ARAP2: variants seen among roughly 807,000 people sequenced by gnomAD.
ARAP2 encodes the protein arf-GAP with Rho-GAP domain, ANK repeat and PH domain-containing protein 2.
ARAP2 carries 148 observed loss-of-function variants against 194.5 expected under a neutral mutation model. The ratio of observed to expected loss-of-function variants is 0.76; its 90% CI spans 0.67 to 0.87. The LOEUF (loss-of-function observed/expected upper bound fraction) is 0.87. Among genes scored for constraint, ARAP2 ranks in the 40% least tolerant of loss-of-function variants. The probability of loss-of-function intolerance (pLI) is 0.00; values close to 1 mark genes in which losing one functional copy is unlikely to be tolerated. For missense variants in ARAP2, 2,128 were observed against 1,989.7 expected (o/e 1.07, Z -1.32); for synonymous variants, 695 against 683.5 (o/e 1.02, Z -0.26).
At chr4:36,013,377 A>G (rs1362768460) in intron 8 of ARAP2, among the ~76,000 whole-genome samples, 1 of 152,206 alleles carries the variant, frequency 6.6e-6, no homozygotes, top group Non-Finnish European at 1.5e-5. Flanking sequence ...GTCTCTCCCT[A>G]GAAGAATCTA....
At chr4:36,235,070 T>A (rs1219476782) in intron 1 of ARAP2, among the ~76,000 whole-genome samples, 1 of 152,196 alleles carries the variant, frequency 6.6e-6, no homozygotes, top group African/African-American at 2.4e-5. Context: ...TACTGTGCTA[T>A]ACCTTTAAAC....
At chr4:36,028,953 T>C (rs1718439872) in intron 5 of ARAP2, among the ~76,000 whole-genome samples, 2 of 152,042 alleles carry the variant, frequency 1.3e-5, no homozygotes, top group Admixed American at 1.3e-4. Flanking sequence ...AAGAATGTTG[T>C]TACCATTATT....
intron 19 of ARAP2, among the ~76,000 whole-genome samples, chr4:36,139,744 T>C (rs1727781041): frequency 6.6e-6 from 1 of 151,654 alleles, no homozygotes. Context: ...ATGATTGTAT[T>C]ATCATTGATC....
chr4:36,244,357 C>T lies in ARAP2; in HGVS notation c.-338G>A, dbSNP rs887344353. ...CGCCTCTGCTGCCTGGCGGCGGCCG[C>T]GCGGGCGGCGCTGTTAGTGGGGCCG... On this transcript the variant is annotated 5_prime_UTR_variant, in exon 1 of 33. Transcript: ENST00000303965. 1 of 151,256 alleles carries T rather than the reference C, an allele frequency of 6.6e-6. No individual in the cohort carries two copies. The highest frequency in any genetic ancestry group is 1.5e-5 in the Non-Finnish European group (1 of 67,720). The allele number at this position is 151,256 out of a possible 1,614,324, so 9.4% of individuals were successfully genotyped here.
chr4:36,211,115 C>A (rs1746659196), intron 5 of ARAP2, among the ~76,000 whole-genome samples: 1 of 152,074 alleles, frequency 6.6e-6, no homozygotes, highest in Non-Finnish European at 1.5e-5. Context: ...ACATGACGGA[C>A]CATTAACTCA....
intron 9 of ARAP2, among the ~76,000 whole-genome samples, chr4:36,173,700 T>G (rs1737173209): frequency 6.6e-6 from 1 of 152,044 alleles, no homozygotes; most frequent in South Asian, 2.1e-4. Flanking sequence ...GAAAAAAAAC[T>G]CTTCTGTGAA....
chr4:36,010,767 C>A lies in ARAP2; in HGVS notation n.1325+1796G>T, dbSNP rs190350776. On this transcript the variant is annotated intron_variant and non_coding_transcript_variant, in intron 9 of 12. Transcript: ENST00000503225. ...ATAATCATTAATCCTCTTCCCCAAA[C>A]ATTTCCAGCTCTCTGACTTGCGGGA... is the stretch of plus-strand genomic sequence containing the variant. 2.7e-4 allele frequency among the ~76,000 whole-genome samples: 41 copies of A among 152,254 alleles called. 2 individuals are homozygous for A. The highest frequency in any genetic ancestry group is 2.3e-3 in the East Asian group (12 of 5,176).
intron 27 of ARAP2, among the ~76,000 whole-genome samples, chr4:36,093,780 G>A (rs939995803): frequency 1.3e-5 from 2 of 152,050 alleles, no homozygotes; most frequent in Non-Finnish European, 2.9e-5. Context: ...TCCTCCTTCC[G>A]TTTGGAGTCC....
At chr4:36,049,972 G>A (rs566607251) in intron 3 of ARAP2, among the ~76,000 whole-genome samples, 14 of 152,120 alleles carry the variant, frequency 9.2e-5, no homozygotes, top group Non-Finnish European at 1.8e-4. Context: ...TATTTTTGCG[G>A]TAATTAGTTT....
chr4:36,012,643 C>T (rs557956110), exon 9 of ARAP2: 4 of 152,126 alleles, frequency 2.6e-5, no homozygotes, highest in Non-Finnish European at 5.9e-5. Flanking sequence ...CTTTAAAGGG[C>T]GGTGTAGCCT....
At chr4:36,052,985 C>T (rs1187746947) in intron 2 of ARAP2, among the ~76,000 whole-genome samples, 3 of 152,082 alleles carry the variant, frequency 2.0e-5, no homozygotes, top group African/African-American at 7.2e-5. Flanking sequence ...TCAACAATTT[C>T]CCCTAAATAC....
At position 36,213,236 on chromosome 4, in the gene ARAP2, G is replaced by T. The variant is rs761650704; in HGVS notation, c.1041+7C>A. On this transcript the variant is annotated splice_region_variant and intron_variant, in intron 4 of 32. Transcript: ENST00000303965. ...TATGGAAAACAATTAAAATGTATGG[G>T]ACTAACCTTGGAATTTTCTAGTCTC... The T allele has an allele frequency of 1.3e-6, 2 of 1,569,654 alleles. No homozygotes were observed. The highest frequency in any genetic ancestry group is 1.8e-6 in the Non-Finnish European group (2 of 1,140,590).
chr4:36,195,271 T>C (rs1265493484), intron 6 of ARAP2, among the ~76,000 whole-genome samples: 1 of 152,244 alleles, frequency 6.6e-6, no homozygotes, highest in African/African-American at 2.4e-5. Flanking sequence ...TCTTGGCCTG[T>C]CTGCAATGGG....
At chr4:36,157,503 A>G (rs1732847048) in intron 15 of ARAP2, 2 of 152,206 alleles carry the variant, frequency 1.3e-5, no homozygotes, top group Admixed American at 6.5e-5. Flanking sequence ...ATGCTCGGCC[A>G]TTCTACTGTC....
intron 1 of ARAP2, among the ~76,000 whole-genome samples, chr4:36,230,274 C>T (rs1379547435): frequency 6.6e-6 from 1 of 152,162 alleles, no homozygotes; most frequent in African/African-American, 2.4e-5. Flanking sequence ...AAAGAATGTT[C>T]TTTTGACTTT....
At chr4:36,138,282 T>C (rs904947950) in intron 19 of ARAP2, among the ~76,000 whole-genome samples, 1 of 151,728 alleles carries the variant, frequency 6.6e-6, no homozygotes, top group Non-Finnish European at 1.5e-5. Flanking sequence ...TTTGCAAATG[T>C]GTACACTTGT....
intron 28 of ARAP2, 86 bp from the exon 29 acceptor site, chr4:36,083,536 T>C: frequency 1.1e-6 from 1 of 942,502 alleles, no homozygotes; most frequent in Non-Finnish European, 1.5e-6. Flanking sequence ...GGGTTTAGAA[T>C]TGTTTAGTTT....
chr4:36,208,606 A>C (rs1746075885), intron 6 of ARAP2, among the ~76,000 whole-genome samples: 1 of 152,238 alleles, frequency 6.6e-6, no homozygotes, highest in African/African-American at 2.4e-5. Context: ...GTCTACTTTA[A>C]TGAACATCTT....
chr4:36,133,987 A>T (rs908563965), intron 19 of ARAP2, among the ~76,000 whole-genome samples: 3 of 151,748 alleles, frequency 2.0e-5, no homozygotes, highest in Non-Finnish European at 4.4e-5. Flanking sequence ...AACTTTCATA[A>T]ATCAGATCTC....
Sources: allele counts gnomAD v4.1 joint callset (sites outside exome capture counted in the v4.1 genomes callset), GRCh38; gene constraint gnomAD v4.1.1; transcripts MANE v1.5; gene names NCBI Gene and HGNC (gene_info 2026-07-23, HGNC 2026-07-21).